ABCC8: variants seen among roughly 807,000 people sequenced by gnomAD.
ABCC8 encodes ATP binding cassette subfamily C member 8, also known as ATP-binding cassette sub-family C member 8.
Under a neutral mutation model 188.0 loss-of-function variants are expected in ABCC8, and 137 were observed. The observed-to-expected ratio is 0.73, with a 90% CI of 0.63 to 0.84. The LOEUF is 0.84. Among genes scored for constraint, ABCC8 ranks in the 40% least tolerant of loss-of-function variants. ABCC8 has a pLI of 0.00. For synonymous variants in ABCC8, 797 were observed against 846.5 expected (o/e 0.94, Z 1.01); for missense variants, 1,750 against 2,072.7 (o/e 0.84, Z 3.02).
At chr11:17,394,101 A>G (rs905797433) in intron 37 of ABCC8, among the ~76,000 whole-genome samples, 165 bp downstream of exon 37, 1 of 152,032 alleles carries the variant, frequency 6.6e-6, no homozygotes, top group Non-Finnish European at 1.5e-5. Context: ...ATTCCCTAAG[A>G]CTAGACAGAG....
intron 18 of ABCC8, among the ~76,000 whole-genome samples, chr11:17,414,968 C>T (rs1280006197): frequency 6.6e-6 from 1 of 150,938 alleles, no homozygotes; most frequent in African/African-American, 2.4e-5. Context: ...AGCCACTGGA[C>T]TTTGAAGTCA....
At chr11:17,410,463 G>A in intron 22 of ABCC8, 53 bp downstream of exon 22, 1 of 1,593,578 alleles carries the variant, frequency 6.3e-7, no homozygotes, top group South Asian at 1.1e-5. Flanking sequence ...CAAGATGCCT[G>A]ACAGCCTCCC....
intron 24 of ABCC8, 23 bp from the exon 25 acceptor site, chr11:17,407,152 C>A (rs1337410607): frequency 1.6e-5 from 26 of 1,605,662 alleles, no homozygotes; most frequent in Non-Finnish European, 2.1e-5. Flanking sequence ...AGAACCCACT[C>A]TGTGGCTACA....
intron 8 of ABCC8, among the ~76,000 whole-genome samples, chr11:17,447,249 A>G (rs1956572770): frequency 6.6e-6 from 1 of 152,194 alleles, no homozygotes; most frequent in Non-Finnish European, 1.5e-5. Context: ...AGTCCCAGGC[A>G]TAGGACAGGA....
At chr11:17,425,011 C>T (rs1388059638) in intron 16 of ABCC8, among the ~76,000 whole-genome samples, 2 of 152,350 alleles carry the variant, frequency 1.3e-5, no homozygotes, top group Admixed American at 6.5e-5. Flanking sequence ...CTTTCTTCAG[C>T]TCACAGTGCA....
chr11:17,407,120 G>A lies in ABCC8; in HGVS notation c.2930C>T (p.Ala977Val). The change falls in exon 25 of 39, where the codon GCT becomes GTT. Residue 977 changes from alanine to valine, a missense_variant. Coordinates refer to ENST00000389817, the MANE Select transcript of ABCC8 (RefSeq NM_000352.6). Reference protein sequence around the residue: ...QDEEEEEEEAAESEEDDNLSS... With the variant: ...QDEEEEEEEAVESEEDDNLSS... ...CAGGTTGTCATCCTCCTCGCTCTCA[G>A]CTGCCTCCTCTGCAGGCCGCAAGAA... The A allele has an allele frequency of 6.2e-7, 1 of 1,612,098 alleles. No individual in the cohort carries two copies.
intron 6 of ABCC8, among the ~76,000 whole-genome samples, chr11:17,456,542 G>A (rs1957003882): frequency 6.6e-6 from 1 of 152,170 alleles, no homozygotes; most frequent in Non-Finnish European, 1.5e-5. Context: ...CAAAAGGTGA[G>A]TTGTCCGTAG....
chr11:17,458,099 A>G (rs1026114924), intron 6 of ABCC8, among the ~76,000 whole-genome samples: 4 of 152,222 alleles, frequency 2.6e-5, no homozygotes, highest in African/African-American at 7.2e-5. Context: ...GCCACATCCC[A>G]GGCAACCACA....
intron 8 of ABCC8, 107 bp downstream of exon 8, chr11:17,448,409 C>A (rs1234574493): frequency 6.9e-6 from 7 of 1,015,832 alleles, no homozygotes; most frequent in Non-Finnish European, 1.1e-5. Flanking sequence ...AAGGTACAGG[C>A]AAGCATGGAG....
In ABCC8 at chr11:17,474,999, G is replaced by A. The variant is rs765437054; in HGVS notation, c.177C>T (p.His59=). ...IGWGSQSSKV[H]IHHSTWLHFP... is the part of the protein sequence containing the mutation. The stretch of plus-strand genomic sequence containing the variant: ...AATGAAGCCATGTGCTGTGGTGGAT[G>A]TGCACCTTGGAGCTCTGACTTCCCC... The change falls in exon 2 of 39, where the codon CAC becomes CAT. Residue 59 remains histidine, a synonymous_variant. Coordinates refer to ENST00000389817, the MANE Select transcript of ABCC8 (RefSeq NM_000352.6). 1 of 1,614,158 alleles carries A rather than the reference G, an allele frequency of 6.2e-7. No homozygotes were observed. The highest frequency in any genetic ancestry group is 1.1e-5 in the South Asian group (1 of 91,072).
chr11:17,469,404 C>T (rs1218007451), intron 3 of ABCC8, among the ~76,000 whole-genome samples: 1 of 152,054 alleles, frequency 6.6e-6, no homozygotes, highest in Non-Finnish European at 1.5e-5. Flanking sequence ...CAGGCTCAAG[C>T]TTTAGATGTC....
At position 17,443,277 on chromosome 11, in the gene ABCC8, G is replaced by A. The variant is rs775001123; in HGVS notation, c.1368C>T (p.Leu456=). ...CTGCTCCAATTAAGGCACTGACTCC[G>A]AGTATGTAGTAGAGGAGAATCACAC... ...IVGVILLYYI[L]GVSALIGAAV... is the part of the protein sequence containing the mutation. The change falls in exon 9 of 39, where the codon CTC becomes CTT. Residue 456 remains leucine (L), a synonymous_variant. Transcript: ENST00000389817. The A allele has an allele frequency of 2.5e-5, 40 of 1,614,032 alleles. 1 individual carries two copies. In the South Asian group the frequency reaches 3.2e-4, roughly 13 times the overall value.
At chr11:17,394,242 C>T (rs1306217035) in intron 37 of ABCC8, 24 bp downstream of exon 37, 4 of 1,611,988 alleles carry the variant, frequency 2.5e-6, no homozygotes, top group South Asian at 2.2e-5. Flanking sequence ...AGACCATGGT[C>T]CCATGGAGGG....
rs1438866265 is a variant in ABCC8 at position 17,404,601 on chromosome 11, G to A, written c.3468C>T (p.Ile1156=). ...TLLCVSALAV[I]SYVTPVFLVA... ...CGAGGAACACAGGTGTGACATAGGAGATGACGGCCAGGGCTGAGACACAGA... is the reference window on the plus strand; with the variant it reads ...CGAGGAACACAGGTGTGACATAGGAAATGACGGCCAGGGCTGAGACACAGA... Residue 1156 remains isoleucine (I), a synonymous_variant, in exon 28 of 39, where the codon ATC becomes ATT. Transcript: ENST00000389817. This position sits in a 1 kb window ranked among gnomAD's most constrained non-coding sequence, Gnocchi z 4.7. The A allele has an allele frequency of 6.2e-7, 1 of 1,613,922 alleles. No homozygotes were observed. The highest frequency in any genetic ancestry group is 8.5e-7 in the Non-Finnish European group (1 of 1,180,018).
In ABCC8 at chr11:17,441,787, A is replaced by G. The variant is rs951793029; in HGVS notation, c.1630+933T>C. ...TTCCATAACTAAAATTTCAATTTCT[A>G]AAAAATCTTTTGGGCTGGGCACAGT... is the stretch of plus-strand genomic sequence containing the variant. On this transcript the variant is annotated intron_variant, in intron 10 of 38. Transcript: ENST00000389817. Among the ~76,000 whole-genome samples the G allele has an allele frequency of 2.6e-5, 4 of 152,182 alleles. No individual in the cohort carries two copies. In the East Asian group the frequency reaches 7.7e-4, roughly 29 times the overall value.
intron 9 of ABCC8, 133 bp from the exon 10 acceptor site, chr11:17,443,015 G>T: frequency 6.5e-7 from 1 of 1,534,584 alleles, no homozygotes; most frequent in South Asian, 1.1e-5. Context: ...CTCCCCCATT[G>T]ACTCCATTTC....
intron 29 of ABCC8, chr11:17,398,910 C>T (rs763373060): frequency 1.3e-5 from 3 of 226,054 alleles, no homozygotes; most frequent in Non-Finnish European, 2.7e-5. Context: ...GTCCATGCTC[C>T]ACACAGTGGC....
intron 23 of ABCC8, 129 bp downstream of exon 23, chr11:17,408,263 C>A: frequency 1.1e-6 from 1 of 900,562 alleles, no homozygotes; most frequent in South Asian, 1.5e-5. Context: ...CAGTTCATGC[C>A]CAGCTCCCAC....
chr11:17,472,422 A>G (rs1234394135), intron 2 of ABCC8, among the ~76,000 whole-genome samples: 1 of 152,230 alleles, frequency 6.6e-6, no homozygotes, highest in Non-Finnish European at 1.5e-5. Context: ...GGGAAGCCCT[A>G]CAGGTTTAAG....
Sources: gnomAD v4.1 joint callset for allele counts (sites outside exome capture counted in the v4.1 genomes callset) on GRCh38, gnomAD v4.1.1 for gene constraint, Gnocchi (gnomAD v3.1) non-coding constraint, MANE v1.5 for transcripts, NCBI Gene and HGNC (gene_info 2026-07-23, HGNC 2026-07-21) for gene names.